Variants in TRIML2 observed in about 807,000 individuals in gnomAD.
TRIML2 encodes tripartite motif family like 2.
Under a neutral mutation model 31.2 loss-of-function variants are expected in TRIML2, and 28 were observed. That is an observed-to-expected ratio of 0.90 (90% CI 0.66 to 1.23). The LOEUF (loss-of-function observed/expected upper bound fraction) is 1.23, where lower values mean the gene tolerates loss of function less well. Ranked by LOEUF, TRIML2 falls within the 50% of genes most tolerant of loss-of-function variation. TRIML2 has a pLI of 0.00. For missense variants in TRIML2, 536 were observed against 528.3 expected, an observed-to-expected ratio of 1.01 and a Z score of -0.14; for synonymous variants, 187 against 197.5, an observed-to-expected ratio of 0.95 and a Z score of 0.45.
chr4:188,108,825 T>A (rs1282572651), intron 1 of TRIML2, among the ~76,000 whole-genome samples: 1 of 152,166 alleles, frequency 6.6e-6, no homozygotes, highest in African/African-American at 2.4e-5. Context: ...CCACTACTCA[T>A]CTCCTTATTT....
At chr4:188,107,955 T>G (rs767320893) in intron 1 of TRIML2, among the ~76,000 whole-genome samples, 104 of 152,318 alleles carry the variant, frequency 6.8e-4, no homozygotes, top group Middle Eastern at 3.4e-3. Context: ...TCCCTGAACA[T>G]GTCCGAGATG....
At position 188,091,323 on chromosome 4, in the gene TRIML2, G is replaced by C. The variant is rs1733239159; in HGVS notation, c.*50C>G. The C allele has an allele frequency of 6.5e-7, 1 of 1,543,274 alleles. No individual in the cohort carries two copies. The highest frequency in any genetic ancestry group is 1.4e-5 in the African/African-American group (1 of 72,382). On this transcript the variant is annotated 3_prime_UTR_variant, in exon 8 of 8. Coordinates refer to ENST00000682553, the MANE Select transcript of TRIML2 (RefSeq NM_173553.4). ...TTTACACAAATTCTTTCAAAGTCTT[G>C]TTCTCCAACTTTCTGGTGTCTCGTG... is the stretch of plus-strand genomic sequence containing the variant.
At chr4:188,099,754 C>T (rs1315377258) in intron 4 of TRIML2, among the ~76,000 whole-genome samples, 1 of 152,172 alleles carries the variant, frequency 6.6e-6, no homozygotes, top group Non-Finnish European at 1.5e-5. Context: ...GCACGCAGCC[C>T]TTACTCACAT....
chr4:188,096,244 C>T (rs1305464697), intron 7 of TRIML2, among the ~76,000 whole-genome samples: 1 of 137,348 alleles, frequency 7.3e-6, no homozygotes, highest in African/African-American at 2.7e-5. Context: ...ACCATAAATA[C>T]AAAAAATTAG....
intron 1 of TRIML2, 49 bp from the exon 2 acceptor site, chr4:188,105,639 C>A (rs1319360663): frequency 8.9e-6 from 3 of 337,214 alleles, no homozygotes; most frequent in Admixed American, 8.5e-5. Flanking sequence ...CAGCGGGTTT[C>A]CCTCAGGTCT....
At position 188,091,793 on chromosome 4, in the gene TRIML2, G is replaced by A; in HGVS notation, c.894C>T (p.Ser298=). Residue 298 remains serine (S), a synonymous_variant, in exon 8 of 8, where the codon AGC becomes AGT. Coordinates refer to ENST00000682553, the MANE Select transcript of TRIML2 (RefSeq NM_173553.4). ...CCCAGTAGTGCCTCCCTGAGGTGAA[G>A]CTCTCCGCAGCCAGCACCATGGCAC... ...DFSAMVLAAE[S]FTSGRHYWEV... The A allele has an allele frequency of 6.2e-7, 1 of 1,614,170 alleles. No individual in the cohort carries two copies. The highest frequency in any genetic ancestry group is 8.5e-7 in the Non-Finnish European group (1 of 1,180,036).
intron 7 of TRIML2, among the ~76,000 whole-genome samples, chr4:188,094,020 G>A (rs1733384644): frequency 6.6e-6 from 1 of 152,024 alleles, no homozygotes; most frequent in South Asian, 2.1e-4. Flanking sequence ...GAATCTGGGA[G>A]GAGGAGGTTG....
intron 1 of TRIML2, chr4:188,106,849 C>A: frequency 3.9e-6 from 1 of 257,304 alleles, no homozygotes. Context: ...GGCTGAGCCG[C>A]GGGTGCGGTA....
rs2111198247 is a variant in TRIML2, at chr4:188,109,448, T to G, written c.-428A>C. 6.6e-6 allele frequency: 1 copy of G among 151,852 alleles called. No homozygotes were observed. Among genetic ancestry groups the G allele is most frequent in the South Asian group, 2.1e-4 (1 of 4,786 alleles). 9.4% of individuals were successfully genotyped at this position (151,852 alleles called of 1,614,324 possible). ...CTGCACGACCACACCCGGCTAATTTTTGTATTTTTTGTAGAGACGGGGTTT... is the reference window on the plus strand; with the variant it reads ...CTGCACGACCACACCCGGCTAATTTGTGTATTTTTTGTAGAGACGGGGTTT... On this transcript the variant is annotated 5_prime_UTR_variant, in exon 1 of 8. Transcript: ENST00000682553.
At chr4:188,107,101 G>T (rs1399303306) in intron 1 of TRIML2, among the ~76,000 whole-genome samples, 1 of 116,244 alleles carries the variant, frequency 8.6e-6, no homozygotes. Context: ...TGCAACCTCC[G>T]CCTCCCGGGT....
chr4:188,092,393 G>A (rs1402353463), intron 7 of TRIML2, among the ~76,000 whole-genome samples: 9 of 151,286 alleles, frequency 5.9e-5, no homozygotes, highest in South Asian at 2.1e-4. Context: ...CCCAGGAGGC[G>A]GAGATTGCAG....
At chr4:188,098,119 CG>C (rs150419485) in intron 5 of TRIML2, 4 of 259,192 alleles carry the variant, frequency 1.5e-5, no homozygotes, top group African/African-American at 3.2e-5. Context: ...GACTCCGTCT[CG>C]GGGAAAAAAA....
rs548257169 is a variant in TRIML2, at chr4:188,091,581, G to A, written c.1106C>T (p.Thr369Ile). 3 of 1,614,170 alleles carry A rather than the reference G, an allele frequency of 1.9e-6. No homozygotes were observed. Among genetic ancestry groups the A allele is most frequent in the East Asian group, 2.2e-5 (1 of 44,866 alleles). ...TTCGCAGTCAAGGAAAACGCCAACT[G>A]TGTCCAACTTCTTTTCCAGGAAGAG... ...KRLFLEKKLD[T>I]VGVFLDCEHG... The change falls in exon 8 of 8, where the codon ACA becomes ATA. Residue 369 changes from threonine (T) to isoleucine (I), a missense_variant. Coordinates refer to ENST00000682553, the MANE Select transcript of TRIML2 (RefSeq NM_173553.4).
At chr4:188,095,577 C>G (rs1192330766) in intron 7 of TRIML2, among the ~76,000 whole-genome samples, 1 of 152,254 alleles carries the variant, frequency 6.6e-6, no homozygotes, top group East Asian at 1.9e-4. Context: ...TCTATCGGGT[C>G]GGATGTAGTA....
intron 7 of TRIML2, among the ~76,000 whole-genome samples, 160 bp downstream of exon 7, chr4:188,096,901 C>G (rs922054716): frequency 1.3e-5 from 2 of 152,092 alleles, no homozygotes; most frequent in African/African-American, 4.8e-5. Context: ...AAGCAAACCG[C>G]CCGCCTTGGC....
At chr4:188,092,375 T>C (rs1405082423) in intron 7 of TRIML2, among the ~76,000 whole-genome samples, 18 of 151,836 alleles carry the variant, frequency 1.2e-4, no homozygotes, top group Admixed American at 1.2e-3. Context: ...GGCAGAAAAT[T>C]GCTTGAACCC....
At chr4:188,096,699 C>G (rs983805464) in intron 7 of TRIML2, among the ~76,000 whole-genome samples, 1 of 151,578 alleles carries the variant, frequency 6.6e-6, no homozygotes, top group Non-Finnish European at 1.5e-5. Context: ...TTCTGTTGCC[C>G]AGGCTGGGGT....
chr4:188,102,110 A>G (rs947290471), intron 3 of TRIML2, among the ~76,000 whole-genome samples: 1 of 149,080 alleles, frequency 6.7e-6, no homozygotes, highest in Non-Finnish European at 1.5e-5. Context: ...AGCCTGGGCG[A>G]CAGAGGGAGA....
chr4:188,093,832 C>G (rs747758582), intron 7 of TRIML2, among the ~76,000 whole-genome samples: 2 of 151,898 alleles, frequency 1.3e-5, no homozygotes, highest in Non-Finnish European at 2.9e-5. Flanking sequence ...GGGCCAGGTG[C>G]GGTGGCTCAC....
Sources: gnomAD v4.1 joint callset for allele counts (sites outside exome capture counted in the v4.1 genomes callset) on GRCh38, gnomAD v4.1.1 for gene constraint, MANE v1.5 for transcripts, NCBI Gene and HGNC (gene_info 2026-07-23, HGNC 2026-07-21) for gene names.